The following SPIRE1 variants were observed in gnomAD, a reference collection of about 807,000 sequenced individuals.
The protein encoded by SPIRE1 is protein spire homolog 1.
In SPIRE1, 40 loss-of-function variants were observed where a neutral mutation model predicts 94.1. The observed-to-expected ratio is 0.43, with a 90% CI of 0.33 to 0.55. The LOEUF (loss-of-function observed/expected upper bound fraction) is 0.55. SPIRE1 is among the 20% of genes least tolerant of loss of function. SPIRE1 has a pLI of 0.06. For synonymous variants in SPIRE1, 376 were observed against 371.7 expected (o/e 1.01, Z -0.13); for missense variants, 838 against 975.2 (o/e 0.86, Z 1.87).
intron 2 of SPIRE1, among the ~76,000 whole-genome samples, chr18:12,576,714 C>T (rs928712557): frequency 1.3e-5 from 2 of 150,954 alleles, no homozygotes; most frequent in African/African-American, 4.9e-5. Flanking sequence ...ACGGTGAAAC[C>T]CCGTCTCTAC....
intron 2 of SPIRE1, among the ~76,000 whole-genome samples, chr18:12,575,084 A>G (rs1484758612): frequency 6.6e-6 from 1 of 152,186 alleles, no homozygotes; most frequent in Admixed American, 6.5e-5. Flanking sequence ...GAGACAGGGC[A>G]GAGGTAGGTG....
chr18:12,618,646 C>G lies in SPIRE1; in HGVS notation c.372+16416G>C, dbSNP rs1315363647. 2.0e-5 allele frequency among the ~76,000 whole-genome samples: 3 copies of G among 152,094 alleles called. No individual in the cohort carries two copies. The East Asian group carries it at 5.8e-4, about 29-fold the overall frequency. ...ATCCTAAAGGGAAACAAAAACCGCT[C>G]CAAATTCAGTTACAATGGGCCAAAC... On this transcript the variant is annotated intron_variant, in intron 2 of 16. Coordinates refer to ENST00000409402, the MANE Select transcript of SPIRE1 (RefSeq NM_001128626.2).
intron 2 of SPIRE1, among the ~76,000 whole-genome samples, chr18:12,634,844 A>G (rs2037879127): frequency 6.6e-6 from 1 of 151,934 alleles, no homozygotes; most frequent in Non-Finnish European, 1.5e-5. Context: ...CTGAGGCGGG[A>G]GAATCGCTTG....
chr18:12,600,885 A>C (rs2036815517), intron 2 of SPIRE1, among the ~76,000 whole-genome samples: 1 of 151,896 alleles, frequency 6.6e-6, no homozygotes, highest in Non-Finnish European at 1.5e-5. Flanking sequence ...ACCACACCCA[A>C]CTAATTTTTG....
intron 2 of SPIRE1, among the ~76,000 whole-genome samples, chr18:12,621,740 G>C (rs1358495158): frequency 6.6e-6 from 1 of 152,136 alleles, no homozygotes; most frequent in Non-Finnish European, 1.5e-5. Context: ...TCTTTATAAG[G>C]TGACAAAATG....
chr18:12,451,048 GGAT>G (rs2031213750), intron 16 of SPIRE1: 1 of 455,414 alleles, frequency 2.2e-6, no homozygotes, highest in Non-Finnish European at 4.0e-6. Flanking sequence ...AGGAGGAGGA[GGAT>G]GAATAAGAGA....
chr18:12,652,578 T>G (rs2038409903), intron 1 of SPIRE1, among the ~76,000 whole-genome samples: 1 of 152,234 alleles, frequency 6.6e-6, no homozygotes. Flanking sequence ...AGCTAGTCTT[T>G]CCTTTTTCTT....
intron 2 of SPIRE1, among the ~76,000 whole-genome samples, chr18:12,561,858 T>C (rs2035696555): frequency 7.6e-5 from 1 of 13,190 alleles, no homozygotes; most frequent in Non-Finnish European, 1.3e-4. Context: ...TAGTCTCATA[T>C]CAGTTCGGTT....
At chr18:12,541,798 T>C (rs543900700) in intron 3 of SPIRE1, among the ~76,000 whole-genome samples, 1 of 152,062 alleles carries the variant, frequency 6.6e-6, no homozygotes, top group South Asian at 2.1e-4. Context: ...GCTAGTACAA[T>C]CCACAGAAAT....
At chr18:12,658,197 G>A, upstream of SPIRE1, 1 of 632,034 alleles carries the variant, frequency 1.6e-6, no homozygotes, top group Non-Finnish European at 2.4e-6. Flanking sequence ...GGGGATGCAC[G>A]CTCTGGAGGT....
Position 12,529,238 on chromosome 18 carries a change from G to A in SPIRE1, c.729+6238C>T, listed in dbSNP as rs570763076. 1.6e-4 allele frequency among the ~76,000 whole-genome samples: 25 copies of A among 152,140 alleles called. No individual in the cohort carries two copies. In the South Asian group the frequency reaches 5.0e-3, roughly 30 times the overall value. The stretch of plus-strand genomic sequence containing the variant: ...CAAAAAATTAGCCGGACGTGGTGGC[G>A]GGCGCCTGTAGTCCCAGCTACTCTG... On this transcript the variant is annotated intron_variant, in intron 4 of 16. Transcript: ENST00000409402.
At chr18:12,578,704 G>A (rs1769931626) in intron 2 of SPIRE1, among the ~76,000 whole-genome samples, 1 of 152,180 alleles carries the variant, frequency 6.6e-6, no homozygotes, top group African/African-American at 2.4e-5. Flanking sequence ...TATCCGATGT[G>A]TAGCCCTGGG....
intron 1 of SPIRE1, among the ~76,000 whole-genome samples, chr18:12,637,212 A>T (rs2037955147): frequency 6.6e-6 from 1 of 152,086 alleles, no homozygotes; most frequent in African/African-American, 2.4e-5. Context: ...ACAAAACATT[A>T]GCCGGGTGTG....
intron 4 of SPIRE1, among the ~76,000 whole-genome samples, chr18:12,527,194 C>CA (rs2034547354): frequency 1.3e-5 from 2 of 152,278 alleles, no homozygotes; most frequent in South Asian, 4.2e-4. Context: ...GGTTTGTAGA[C>CA]ACCTCACTCA....
chr18:12,519,922 G>C (rs368761291), intron 4 of SPIRE1, among the ~76,000 whole-genome samples: 4 of 152,136 alleles, frequency 2.6e-5, no homozygotes, highest in African/African-American at 9.7e-5. Context: ...GACCCAGCAA[G>C]TCTACTTCTA....
At chr18:12,507,395 A>G (rs143692464) in intron 5 of SPIRE1, among the ~76,000 whole-genome samples, 56 of 152,308 alleles carry the variant, frequency 3.7e-4, no homozygotes, top group Admixed American at 9.2e-4. Flanking sequence ...ATGGTGTTCT[A>G]TACATAGAAA....
chr18:12,463,075 T>A (rs758545291), intron 12 of SPIRE1, among the ~76,000 whole-genome samples: 50 of 151,872 alleles, frequency 3.3e-4, no homozygotes, highest in Non-Finnish European at 3.7e-4. Context: ...TTATTATTAT[T>A]TTTTTTTGCA....
chr18:12,558,159 T>A (rs2035573112), intron 2 of SPIRE1, among the ~76,000 whole-genome samples: 1 of 152,212 alleles, frequency 6.6e-6, no homozygotes, highest in African/African-American at 2.4e-5. Context: ...TTAAAGATGG[T>A]GTGCCCGGAG....
At chr18:12,487,829 T>C (rs1437498182) in intron 8 of SPIRE1, among the ~76,000 whole-genome samples, 1 of 152,228 alleles carries the variant, frequency 6.6e-6, no homozygotes, top group African/African-American at 2.4e-5. Flanking sequence ...TAAAGCTCAA[T>C]AAAGCTGTTA....
Sources: allele counts gnomAD v4.1 joint callset (sites outside exome capture counted in the v4.1 genomes callset), GRCh38; gene constraint gnomAD v4.1.1; transcripts MANE v1.5; gene names NCBI Gene and HGNC (gene_info 2026-07-23, HGNC 2026-07-21).